Variants in ZC3H12B observed in about 807,000 individuals in gnomAD.
The protein encoded by ZC3H12B is probable ribonuclease ZC3H12B.
A neutral mutation model predicts 43.9 loss-of-function variants in ZC3H12B; 7 were observed. That is an observed-to-expected ratio of 0.16 (90% confidence interval 0.09 to 0.30). The LOEUF (loss-of-function observed/expected upper bound fraction) is 0.30. ZC3H12B is among the 10% of genes least tolerant of loss of function. The pLI, the probability that ZC3H12B is intolerant of heterozygous loss-of-function variation, is 1.00. For missense variants in ZC3H12B, 475 were observed against 670.2 expected (o/e 0.71, Z 3.22); for synonymous variants, 222 against 241.7 (o/e 0.92, Z 0.76).
the ZC3H12B span, among the ~76,000 whole-genome samples, chrX:65,284,012 G>A: frequency 9.0e-6 from 1 of 110,860 alleles, no homozygotes; most frequent in African/African-American, 3.3e-5. Context: ...CCAGGATGGG[G>A]GATCGATCCC....
the ZC3H12B span, among the ~76,000 whole-genome samples, chrX:65,230,114 A>G: frequency 9.0e-6 from 1 of 111,280 alleles, no homozygotes; most frequent in Admixed American, 9.5e-5. Flanking sequence ...TATTCACAAT[A>G]GCAAAGACTT....
chrX:65,147,659 T>C, the ZC3H12B span, among the ~76,000 whole-genome samples: 1 of 110,378 alleles, frequency 9.1e-6, no homozygotes, highest in African/African-American at 3.3e-5. Flanking sequence ...CAATGCTGGG[T>C]TTTGTGTCTG....
chrX:65,192,769 C>CAGAT, the ZC3H12B span, among the ~76,000 whole-genome samples: 23,038 of 104,255 alleles, frequency 0.22, 2,144 homozygotes, highest in East Asian at 0.27. Context: ...GGGATTTTCC[C>CAGAT]AGATAGATAG....
the ZC3H12B span, among the ~76,000 whole-genome samples, chrX:65,070,935 G>A: frequency 9.3e-6 from 1 of 107,119 alleles, no homozygotes; most frequent in Non-Finnish European, 1.9e-5. Flanking sequence ...TTGTCTTTTG[G>A]TAGAGAGTTC....
At chrX:65,340,652 A>G in the ZC3H12B span, among the ~76,000 whole-genome samples, 2 of 111,890 alleles carry the variant, frequency 1.8e-5, no homozygotes, top group Non-Finnish European at 3.8e-5. Context: ...CCTACCTTAT[A>G]TCACAATCAC....
chrX:65,260,614 G>C, the ZC3H12B span, among the ~76,000 whole-genome samples: 1 of 111,938 alleles, frequency 8.9e-6, no homozygotes, highest in African/African-American at 3.2e-5. Context: ...TGAGGATGTG[G>C]AGAAAAGAGA....
chrX:65,422,357 T>C (rs1358873891), intron 3 of ZC3H12B, among the ~76,000 whole-genome samples: 1 of 111,510 alleles, frequency 9.0e-6, no homozygotes, highest in Non-Finnish European at 1.9e-5. Context: ...AGACACAATA[T>C]CGATTAGTTG....
chrX:65,302,230 CTT>C, the ZC3H12B span, among the ~76,000 whole-genome samples: 1 of 103,398 alleles, frequency 9.7e-6, no homozygotes, highest in Non-Finnish European at 2.0e-5. Flanking sequence ...GAAAAAACTG[CTT>C]TTTTTTTTTA....
intron 3 of ZC3H12B, among the ~76,000 whole-genome samples, chrX:65,478,679 C>T (rs974788726): frequency 8.9e-6 from 1 of 112,400 alleles, no homozygotes; most frequent in East Asian, 2.8e-4. Flanking sequence ...GCTTTGCATG[C>T]ATACTGTGGC....
At chrX:65,448,937 A>AAAAGAAAGAAAGAAAGAGAAAG (rs2148139856) in intron 3 of ZC3H12B, among the ~76,000 whole-genome samples, 1 of 26,857 alleles carries the variant, frequency 3.7e-5, no homozygotes, top group African/African-American at 9.1e-5. Flanking sequence ...AAAGAGAAGG[A>AAAAGAAAGAAAGAAAGAGAAAG]AAAGAAAGAA....
chrX:65,354,103 C>T, the ZC3H12B span, among the ~76,000 whole-genome samples: 3 of 112,188 alleles, frequency 2.7e-5, no homozygotes, highest in South Asian at 3.7e-4. Context: ...CCCAGCACAG[C>T]GCTCGAGCTC....
the ZC3H12B span, among the ~76,000 whole-genome samples, chrX:65,280,498 C>G: frequency 9.0e-6 from 1 of 111,565 alleles, no homozygotes; most frequent in Middle Eastern, 4.6e-3. Context: ...ACAAAGATAC[C>G]CACTCTCACC....
the ZC3H12B span, among the ~76,000 whole-genome samples, chrX:65,251,439 A>G: frequency 1.8e-5 from 2 of 111,469 alleles, no homozygotes; most frequent in Non-Finnish European, 3.8e-5. Flanking sequence ...TTGGTTCCAT[A>G]TGAACTTTAT....
chrX:65,177,255 A>G, the ZC3H12B span, among the ~76,000 whole-genome samples: 1 of 112,096 alleles, frequency 8.9e-6, no homozygotes, highest in Admixed American at 9.5e-5. Flanking sequence ...CTCTCCAGAA[A>G]CTAGTTGTTG....
chrX:65,445,093 G>A (rs1463009175), intron 3 of ZC3H12B, among the ~76,000 whole-genome samples: 1 of 111,745 alleles, frequency 8.9e-6, no homozygotes, highest in Non-Finnish European at 1.9e-5. Context: ...TTATCTGATA[G>A]GATTCTGAAT....
chrX:65,331,151 TC>T, the ZC3H12B span: 1 of 255,921 alleles, frequency 3.9e-6, no homozygotes, highest in Non-Finnish European at 7.6e-6. Flanking sequence ...TACACACTTT[TC>T]TTCATAAAAA....
intron 2 of ZC3H12B, among the ~76,000 whole-genome samples, chrX:65,374,841 C>T (rs1013003729): frequency 1.8e-5 from 2 of 110,661 alleles, no homozygotes; most frequent in Admixed American, 9.7e-5. Flanking sequence ...GGGAAAAGCC[C>T]CTTATAAAAC....
At chrX:65,469,245 A>C (rs7891608) in intron 3 of ZC3H12B, 31,632 of 237,886 alleles carry the variant, frequency 0.13, 8,932 homozygotes, top group African/African-American at 0.83. Context: ...GGGCAAGTCA[A>C]AGGTGCCACT....
At chrX:65,334,892 G>A in the ZC3H12B span, among the ~76,000 whole-genome samples, 1 of 111,555 alleles carries the variant, frequency 9.0e-6, no homozygotes, top group Non-Finnish European at 1.9e-5. Context: ...AACCCAATCA[G>A]CCCATTCTGT....
Sources: allele counts gnomAD v4.1 joint callset (sites outside exome capture counted in the v4.1 genomes callset), GRCh38; gene constraint gnomAD v4.1.1; transcripts MANE v1.5; gene names NCBI Gene and HGNC (gene_info 2026-07-23, HGNC 2026-07-21).